MOB2: variants seen among roughly 807,000 people sequenced by gnomAD.
MOB2 encodes MOB2 Mps One Binder homolog.
A neutral mutation model predicts 27.4 loss-of-function variants in MOB2; 14 were observed. That is an observed-to-expected ratio of 0.51 (90% CI 0.34 to 0.80). The LOEUF (loss-of-function observed/expected upper bound fraction) is 0.80, where lower values mean the gene tolerates loss of function less well. MOB2 is among the 30% of genes least tolerant of loss of function. The pLI is 0.01. For synonymous variants in MOB2, 167 were observed against 151.8 expected, an observed-to-expected ratio of 1.10 and a Z score of -0.74; for missense variants, 304 against 354.6, an observed-to-expected ratio of 0.86 and a Z score of 1.15.
chr11:1,485,078 C>T lies in MOB2; in HGVS notation c.110+1369G>A, dbSNP rs111581189. On this transcript the variant is annotated intron_variant, in intron 1 of 4. Transcript: ENST00000329957. ...TGCTGCTGTCCTAGAACCTCAGCCC[C>T]ACGTGGCCACCATGCTCCACTGCGC... 8.5e-4 allele frequency among the ~76,000 whole-genome samples: 129 copies of T among 152,340 alleles called. 2 individuals are homozygous for T. Among genetic ancestry groups the T allele is most frequent in the African/African-American group, 3.0e-3 (125 of 41,582 alleles).
At chr11:1,483,918 CA>C (rs1462020035) in intron 1 of MOB2, among the ~76,000 whole-genome samples, 2 of 152,320 alleles carry the variant, frequency 1.3e-5, no homozygotes, top group Admixed American at 1.3e-4. Flanking sequence ...AGTCAACACA[CA>C]GGGGGTCTCA....
intron 3 of MOB2, among the ~76,000 whole-genome samples, chr11:1,480,103 A>T (rs138802143): frequency 3.4e-4 from 52 of 152,330 alleles, no homozygotes; most frequent in Non-Finnish European, 5.3e-4. Context: ...GGCTCTCTGC[A>T]ATCTTAGGGC....
intron 1 of MOB2, among the ~76,000 whole-genome samples, chr11:1,484,199 TG>T (rs1447711150): frequency 2.0e-5 from 3 of 151,936 alleles, no homozygotes; most frequent in Non-Finnish European, 4.4e-5. Context: ...CTGAGGTGAG[TG>T]GGCAGCAGCA....
At chr11:1,482,722 C>G (rs576078135) in intron 1 of MOB2, among the ~76,000 whole-genome samples, 2 of 152,232 alleles carry the variant, frequency 1.3e-5, no homozygotes, top group Non-Finnish European at 2.9e-5. Context: ...TTCTTTGGAC[C>G]GGGTCACTCA....
chr11:1,470,385 C>G lies in MOB2; in HGVS notation c.594G>C (p.Leu198=), dbSNP rs367758441. The change falls in exon 5 of 5, where the codon CTG becomes CTC. Residue 198 remains leucine, a synonymous_variant. Transcript: ENST00000329957. The part of the protein sequence containing the change: ...HIYWAHFKET[L]ALELHGHLNT... ...TCAAGTGTCCGTGCAGCTCCAGGGC[C>G]AGCGTCTCCTTGAAGTGGGCCCAGT... The G allele has an allele frequency of 4.3e-6, 7 of 1,613,710 alleles. No homozygotes were observed. Among genetic ancestry groups the G allele is most frequent in the Non-Finnish European group, 5.9e-6 (7 of 1,179,898 alleles).
intron 3 of MOB2, among the ~76,000 whole-genome samples, chr11:1,474,698 T>G (rs567420358): frequency 6.7e-6 from 1 of 149,436 alleles, no homozygotes; most frequent in Non-Finnish European, 1.5e-5. Context: ...TTTGTGTGGG[T>G]CTATCTCCGG....
chr11:1,469,812 C>G lies in MOB2; in HGVS notation c.*360G>C, dbSNP rs555645138. 2 of 528,326 alleles carry G rather than the reference C, an allele frequency of 3.8e-6. No homozygotes were observed. The highest frequency in any genetic ancestry group is 1.5e-5 in the South Asian group (1 of 65,220). 32.7% of individuals were successfully genotyped at this position (528,326 alleles called of 1,614,324 possible). On this transcript the variant is annotated 3_prime_UTR_variant, in exon 5 of 5. Coordinates refer to ENST00000329957, the MANE Select transcript of MOB2 (RefSeq NM_001172223.3). The stretch of plus-strand genomic sequence containing the variant: ...CAGGTCTGCAAATCACACCCTCCCC[C>G]CACGAGTTCCTCCTTTGAGGCCAGC...
intron 3 of MOB2, among the ~76,000 whole-genome samples, chr11:1,479,602 G>A (rs1166665976): frequency 1.3e-5 from 2 of 152,246 alleles, no homozygotes; most frequent in Admixed American, 6.5e-5. Flanking sequence ...CTTCTTGAAG[G>A]CAGAACTCAG....
intron 3 of MOB2, among the ~76,000 whole-genome samples, chr11:1,478,860 C>G (rs1278014837): frequency 1.3e-5 from 2 of 152,188 alleles, no homozygotes; most frequent in African/African-American, 2.4e-5. Context: ...AGCCCTCACA[C>G]GACCCAGGCA....
chr11:1,484,687 G>A (rs1437281985), intron 1 of MOB2, among the ~76,000 whole-genome samples: 2 of 152,158 alleles, frequency 1.3e-5, no homozygotes, highest in African/African-American at 2.4e-5. Flanking sequence ...CCTTCTGGGT[G>A]TTGAGGGGGG....
intron 3 of MOB2, among the ~76,000 whole-genome samples, chr11:1,477,532 G>A (rs1421804817): frequency 6.6e-6 from 1 of 152,152 alleles, no homozygotes; most frequent in Non-Finnish European, 1.5e-5. Context: ...AGGTTGCAAG[G>A]GTAGAACGCT....
At chr11:1,485,748 C>T (rs376165335) in intron 1 of MOB2, among the ~76,000 whole-genome samples, 4 of 152,120 alleles carry the variant, frequency 2.6e-5, no homozygotes, top group African/African-American at 9.7e-5. Context: ...CCCACACACA[C>T]GGGTGCACGC....
intron 3 of MOB2, 136 bp downstream of exon 3, chr11:1,480,257 G>A (rs1847895634): frequency 3.0e-5 from 23 of 760,448 alleles, no homozygotes; most frequent in Non-Finnish European, 4.8e-5. Context: ...TGGATGTTGT[G>A]GAAGGCCTGT....
Position 1,469,987 on chromosome 11 carries a change from A to G in MOB2, c.*185T>C, listed in dbSNP as rs1473220142. ...TACAAACGGCACGCATCCATCCGAC[A>G]GGGGGCCACAGGACACGGCCGGGGC... On this transcript the variant is annotated 3_prime_UTR_variant, in exon 5 of 5. Transcript: ENST00000329957. 17 of 1,458,588 alleles carry G rather than the reference A, an allele frequency of 1.2e-5. No homozygotes were observed. In the South Asian group the frequency reaches 1.2e-4, roughly 10 times the overall value. The allele number at this position is 1,458,588 out of a possible 1,614,324, so 90.4% of individuals were successfully genotyped here.
chr11:1,479,967 A>T (rs992620125), intron 3 of MOB2, among the ~76,000 whole-genome samples: 1 of 152,226 alleles, frequency 6.6e-6, no homozygotes, highest in African/African-American at 2.4e-5. Context: ...AGCACCAGGC[A>T]TGTTGGATGG....
chr11:1,476,057 C>T lies in MOB2; in HGVS notation c.365+4336G>A, dbSNP rs545863607. Among the ~76,000 whole-genome samples the T allele has an allele frequency of 1.9e-4, 29 of 152,298 alleles. No homozygotes were observed. The South Asian group carries it at 3.5e-3, about 19-fold the overall frequency. On this transcript the variant is annotated intron_variant, in intron 3 of 4. Transcript: ENST00000329957. ...TGCGGCAGTGGATCCACACGGGGGC[C>T]GAGGCACAGCTGGGCCGAGGGAGGA...
chr11:1,478,336 G>A (rs1847874934), intron 3 of MOB2, among the ~76,000 whole-genome samples: 1 of 152,286 alleles, frequency 6.6e-6, no homozygotes, highest in African/African-American at 2.4e-5. Context: ...AGTGGGAGGA[G>A]GCCCTCCTGT....
In MOB2 at chr11:1,486,712, G is replaced by A. The variant is rs1033451771; in HGVS notation, c.-156C>T. 6 of 604,366 alleles carry A rather than the reference G, an allele frequency of 9.9e-6. No individual in the cohort carries two copies. Among genetic ancestry groups the A allele is most frequent in the Non-Finnish European group, 1.8e-5 (6 of 340,072 alleles). The allele number at this position is 604,366 out of a possible 1,614,324, so 37.4% of individuals were successfully genotyped here. A position where few individuals can be genotyped will look rare whatever the true frequency, so the allele number is the denominator to read the frequency against. ...TGCCCCCTTTCCAGAGGCAAGGGCT[G>A]GCCAAGGCTGGTGAAACGAGGGAGC... On this transcript the variant is annotated 5_prime_UTR_variant, in exon 1 of 5. Coordinates refer to ENST00000329957, the MANE Select transcript of MOB2 (RefSeq NM_001172223.3).
intron 4 of MOB2, 126 bp downstream of exon 4, chr11:1,471,169 G>T (rs1847785062): frequency 5.4e-6 from 7 of 1,306,232 alleles, no homozygotes; most frequent in Non-Finnish European, 5.2e-6. Flanking sequence ...AGGGACTGGG[G>T]TGGTGCAGCT....
Sources: gnomAD v4.1 joint callset for allele counts (sites outside exome capture counted in the v4.1 genomes callset) on GRCh38, gnomAD v4.1.1 for gene constraint, MANE v1.5 for transcripts, NCBI Gene and HGNC (gene_info 2026-07-23, HGNC 2026-07-21) for gene names.